CORIN: variants seen among roughly 807,000 people sequenced by gnomAD.
CORIN encodes the protein atrial natriuretic peptide-converting enzyme.
A neutral mutation model predicts 125.3 loss-of-function variants in CORIN; 117 were observed. The ratio of observed to expected loss-of-function variants is 0.93; its 90% CI spans 0.80 to 1.09. CORIN has a LOEUF of 1.09. CORIN is among the 50% of genes least tolerant of loss of function. CORIN has a pLI of 0.00. For missense variants in CORIN, 1,253 were observed against 1,306.7 expected (o/e 0.96, Z 0.63); for synonymous variants, 450 against 466.4 (o/e 0.96, Z 0.45).
intron 19 of CORIN, among the ~76,000 whole-genome samples, chr4:47,605,992 C>A (rs1721632289): frequency 6.6e-6 from 1 of 152,052 alleles, no homozygotes; most frequent in African/African-American, 2.4e-5. Flanking sequence ...GCATGTTGTC[C>A]TTTTTCCATT....
At chr4:47,636,074 T>C (rs1204769185) in intron 16 of CORIN, among the ~76,000 whole-genome samples, 1 of 152,242 alleles carries the variant, frequency 6.6e-6, no homozygotes, top group Non-Finnish European at 1.5e-5. Flanking sequence ...TATTAGGGAC[T>C]AGTAGGTAAT....
intron 3 of CORIN, among the ~76,000 whole-genome samples, chr4:47,772,211 C>T (rs1437772558): frequency 3.3e-5 from 5 of 152,152 alleles, no homozygotes; most frequent in African/African-American, 1.2e-4. Context: ...TAACCTGTTG[C>T]AATTCATTCA....
chr4:47,745,021 G>A (rs1446160367), intron 4 of CORIN, among the ~76,000 whole-genome samples: 1 of 152,156 alleles, frequency 6.6e-6, no homozygotes, highest in Non-Finnish European at 1.5e-5. Context: ...TGGCAGCAGA[G>A]AGTAAGCTGT....
chr4:47,670,369 T>G (rs982366732), intron 10 of CORIN, among the ~76,000 whole-genome samples: 1 of 152,212 alleles, frequency 6.6e-6, no homozygotes. Flanking sequence ...AATACATCAT[T>G]CCTCTCTTCT....
intron 8 of CORIN, among the ~76,000 whole-genome samples, chr4:47,678,781 T>C (rs1277779080): frequency 1.3e-5 from 2 of 152,118 alleles, no homozygotes; most frequent in Non-Finnish European, 2.9e-5. Flanking sequence ...ATTACTAATA[T>C]TATGACCTCT....
intron 5 of CORIN, among the ~76,000 whole-genome samples, chr4:47,701,284 CTG>C (rs1203630363): frequency 6.6e-6 from 1 of 152,176 alleles, no homozygotes; most frequent in African/African-American, 2.4e-5. Context: ...GAAACTGTCT[CTG>C]TCAAACAAAT....
intron 19 of CORIN, among the ~76,000 whole-genome samples, chr4:47,615,600 A>C (rs967214621): frequency 6.6e-6 from 1 of 152,216 alleles, no homozygotes; most frequent in African/African-American, 2.4e-5. Flanking sequence ...CACAAGGAGA[A>C]CACTGTCTGA....
At chr4:47,750,975 T>C (rs1040279996) in intron 4 of CORIN, among the ~76,000 whole-genome samples, 5 of 152,242 alleles carry the variant, frequency 3.3e-5, no homozygotes, top group Admixed American at 6.5e-5. Flanking sequence ...GAGCAGACGG[T>C]TAAACTATGA....
At chr4:47,675,882 T>G (rs558257442) in intron 9 of CORIN, among the ~76,000 whole-genome samples, 1 of 152,102 alleles carries the variant, frequency 6.6e-6, no homozygotes, top group East Asian at 1.9e-4. Context: ...TAAAATACAT[T>G]TAAAGAGCAG....
In CORIN at chr4:47,786,903, A is replaced by C. The variant is rs975774066; in HGVS notation, c.231T>G (p.Phe77Leu). The change falls in exon 3 of 22, where the codon TTT becomes TTG. Residue 77 changes from phenylalanine to leucine, a missense_variant. Physicochemically the swap from Phe to Leu is conservative, Grantham distance 22 (BLOSUM62 0). Coordinates refer to ENST00000273857, the MANE Select transcript of CORIN (RefSeq NM_006587.4). ...SYVGTLQKVY[F>L]KSNGSEPLVT... ...CCAAAGGTTCACTCCCATTTGATTT[A>C]AAATAGACCTTTTGTAATGTTCCTG... 1.4e-5 allele frequency: 23 copies of C among 1,612,668 alleles called. No homozygotes were observed. The highest frequency in any genetic ancestry group is 4.0e-5 in the African/African-American group (3 of 74,892).
chr4:47,677,579 A>G (rs1725082618), intron 9 of CORIN, among the ~76,000 whole-genome samples: 1 of 152,238 alleles, frequency 6.6e-6, no homozygotes, highest in Non-Finnish European at 1.5e-5. Context: ...TTTTAGGAAG[A>G]CATTACATTT....
intron 1 of CORIN, among the ~76,000 whole-genome samples, chr4:47,815,521 C>T (rs1691653608): frequency 6.6e-6 from 1 of 152,092 alleles, no homozygotes; most frequent in South Asian, 2.1e-4. Flanking sequence ...AGTAGGCTCT[C>T]ATTATCCAGA....
intron 5 of CORIN, among the ~76,000 whole-genome samples, chr4:47,727,283 A>G (rs1383031196): frequency 6.6e-6 from 1 of 152,090 alleles, no homozygotes; most frequent in African/African-American, 2.4e-5. Context: ...CATATGAGTA[A>G]GTTTTCAAAG....
chr4:47,736,293 GA>G (rs1728130802), intron 5 of CORIN, among the ~76,000 whole-genome samples: 1 of 152,082 alleles, frequency 6.6e-6, no homozygotes, highest in Non-Finnish European at 1.5e-5. Context: ...GTGTGAAAAA[GA>G]AAACAAACTT....
At chr4:47,769,625 A>G (rs769661991) in intron 3 of CORIN, among the ~76,000 whole-genome samples, 1 of 152,154 alleles carries the variant, frequency 6.6e-6, no homozygotes, top group Non-Finnish European at 1.5e-5. Flanking sequence ...CAAATACACT[A>G]TAAAGCTATA....
chr4:47,779,077 A>G (rs1300844384), intron 3 of CORIN, among the ~76,000 whole-genome samples: 1 of 152,256 alleles, frequency 6.6e-6, no homozygotes, highest in East Asian at 1.9e-4. Context: ...CAATGTAGGC[A>G]ACAACTATAG....
chr4:47,813,046 A>G (rs1732124571), intron 1 of CORIN, among the ~76,000 whole-genome samples: 1 of 152,178 alleles, frequency 6.6e-6, no homozygotes. Flanking sequence ...CAGATCAGAC[A>G]CCACCACCCC....
chr4:47,806,382 A>T (rs1731796691), intron 2 of CORIN, among the ~76,000 whole-genome samples: 1 of 152,212 alleles, frequency 6.6e-6, no homozygotes, highest in African/African-American at 2.4e-5. Flanking sequence ...ATCTATGTTC[A>T]TCTTTCAAGG....
In CORIN at chr4:47,661,564, A is replaced by G. The variant is rs1577796211; in HGVS notation, c.1735+147T>C. ...AGTGCCAAATTCTTCAATGCAATCAAGTTCACAAATTCACTCACCTAAGCA... is the reference window on the plus strand; with the variant it reads ...AGTGCCAAATTCTTCAATGCAATCAGGTTCACAAATTCACTCACCTAAGCA... On this transcript the variant is annotated intron_variant, in intron 12 of 21. Transcript: ENST00000273857. The G allele has an allele frequency of 6.2e-6, 4 of 643,810 alleles. No individual in the cohort carries two copies. The East Asian group carries it at 8.5e-5, about 14-fold the overall frequency. The allele number at this position is 643,810 out of a possible 1,614,324, so 39.9% of individuals were successfully genotyped here. A position where few individuals can be genotyped will look rare whatever the true frequency, so the allele number is the denominator to read the frequency against.
Sources: allele counts gnomAD v4.1 joint callset (sites outside exome capture counted in the v4.1 genomes callset), GRCh38; gene constraint gnomAD v4.1.1; transcripts MANE v1.5; gene names NCBI Gene and HGNC (gene_info 2026-07-23, HGNC 2026-07-21).